The following GABRG3 variants were observed in gnomAD, a reference collection of about 807,000 sequenced individuals.
GABRG3 encodes gamma-aminobutyric acid type A receptor subunit gamma3.
A neutral mutation model predicts 48.8 loss-of-function variants in GABRG3; 25 were observed. The observed-to-expected ratio is 0.51, with a 90% CI of 0.37 to 0.72. The LOEUF (loss-of-function observed/expected upper bound fraction) is 0.72. Among genes scored for constraint, GABRG3 ranks in the 30% least tolerant of loss-of-function variants. The pLI is 0.00. For missense variants in GABRG3, 394 were observed against 577.9 expected (o/e 0.68, Z 3.26); for synonymous variants, 227 against 217.6 (o/e 1.04, Z -0.38).
chr15:27,379,782 G>A (rs1279275711), intron 5 of GABRG3, among the ~76,000 whole-genome samples: 1 of 152,146 alleles, frequency 6.6e-6, no homozygotes, highest in Non-Finnish European at 1.5e-5. Flanking sequence ...AAGTCCAGTG[G>A]AACTCTTATC....
chr15:27,477,768 C>T (rs1889984266), intron 5 of GABRG3, among the ~76,000 whole-genome samples: 1 of 152,142 alleles, frequency 6.6e-6, no homozygotes, highest in Admixed American at 6.5e-5. Flanking sequence ...AGGCCGGGCA[C>T]AGTGGCTCAC....
chr15:27,228,670 A>G (rs1889701768), intron 3 of GABRG3, among the ~76,000 whole-genome samples: 2 of 152,282 alleles, frequency 1.3e-5, no homozygotes, highest in South Asian at 4.1e-4. Context: ...GAACTAATTT[A>G]TGCTCCCACC....
intron 5 of GABRG3, among the ~76,000 whole-genome samples, chr15:27,421,934 C>A (rs2140612071): frequency 6.6e-6 from 1 of 150,656 alleles, no homozygotes; most frequent in African/African-American, 2.4e-5. Context: ...TGCATATCCA[C>A]CAATACTGAG....
chr15:27,404,944 G>A (rs896956019), intron 5 of GABRG3, among the ~76,000 whole-genome samples: 5 of 152,142 alleles, frequency 3.3e-5, no homozygotes, highest in Non-Finnish European at 4.4e-5. Context: ...GTATGTCCTC[G>A]CAAGTCAGGG....
chr15:27,304,740 G>C (rs1892335299), intron 3 of GABRG3, among the ~76,000 whole-genome samples: 1 of 151,868 alleles, frequency 6.6e-6, no homozygotes, highest in Non-Finnish European at 1.5e-5. Context: ...CCCATCTCAT[G>C]GTCTTCAACT....
chr15:27,525,756 A>T (rs1265492775), intron 7 of GABRG3, among the ~76,000 whole-genome samples: 1 of 151,292 alleles, frequency 6.6e-6, no homozygotes, highest in Non-Finnish European at 1.5e-5. Flanking sequence ...TTCCAGCTTC[A>T]TCCATGTCCC....
chr15:27,405,301 A>G, intron 5 of GABRG3, among the ~76,000 whole-genome samples: 1 of 152,250 alleles, frequency 6.6e-6, no homozygotes, highest in East Asian at 1.9e-4. Context: ...CACTAAATCC[A>G]TGATCAGTAG....
chr15:27,406,847 C>T (rs1483410568), intron 5 of GABRG3, among the ~76,000 whole-genome samples: 2 of 152,154 alleles, frequency 1.3e-5, no homozygotes, highest in Non-Finnish European at 2.9e-5. Context: ...AAGGGTCAAA[C>T]GTAGATGGGA....
intron 3 of GABRG3, among the ~76,000 whole-genome samples, chr15:27,086,396 G>C (rs1361835327): frequency 6.6e-6 from 1 of 152,146 alleles, no homozygotes; most frequent in Non-Finnish European, 1.5e-5. Context: ...ACTCGGGCAC[G>C]TCTCTGAGCT....
chr15:27,495,635 A>T (rs912705736), intron 6 of GABRG3, among the ~76,000 whole-genome samples: 7 of 152,210 alleles, frequency 4.6e-5, no homozygotes, highest in African/African-American at 7.2e-5. Flanking sequence ...CAATTCATCC[A>T]TTGAATTTTT....
chr15:27,018,801 T>C (rs1334081032), intron 2 of GABRG3, among the ~76,000 whole-genome samples: 2 of 152,152 alleles, frequency 1.3e-5, no homozygotes, highest in African/African-American at 4.8e-5. Flanking sequence ...AACTGCAATA[T>C]TGACCAAGTT....
chr15:27,517,068 G>A (rs1891036075), intron 6 of GABRG3, among the ~76,000 whole-genome samples: 1 of 151,944 alleles, frequency 6.6e-6, no homozygotes, highest in African/African-American at 2.4e-5. Context: ...CTCCATCACT[G>A]ACAACATCGT....
At chr15:27,066,746 T>C (rs571578691) in intron 3 of GABRG3, among the ~76,000 whole-genome samples, 1 of 152,302 alleles carries the variant, frequency 6.6e-6, no homozygotes, top group East Asian at 1.9e-4. Flanking sequence ...TGTTCTATCT[T>C]GAAAAGTGAT....
At chr15:27,381,452 GTT>G (rs374872323) in intron 5 of GABRG3, among the ~76,000 whole-genome samples, 206 of 152,316 alleles carry the variant, frequency 1.4e-3, no homozygotes, top group African/African-American at 4.6e-3. Flanking sequence ...ACTCCTTGGA[GTT>G]TTTAACTCTG....
intron 3 of GABRG3, among the ~76,000 whole-genome samples, chr15:27,113,646 C>T (rs1192131619): frequency 6.6e-6 from 1 of 152,154 alleles, no homozygotes; most frequent in Non-Finnish European, 1.5e-5. Context: ...ATACCTTCCA[C>T]CCAAGGACCC....
At chr15:27,028,451 G>A (rs996204502) in intron 3 of GABRG3, among the ~76,000 whole-genome samples, 23 of 152,188 alleles carry the variant, frequency 1.5e-4, no homozygotes, top group Admixed American at 8.5e-4. Context: ...AGATCCCTGC[G>A]TTTGGAAACT....
intron 6 of GABRG3, among the ~76,000 whole-genome samples, chr15:27,496,266 T>A (rs551414602): frequency 6.7e-6 from 1 of 150,000 alleles, no homozygotes; most frequent in East Asian, 2.3e-4. Flanking sequence ...AACAGAACAG[T>A]GGGCAAGCCT....
At chr15:26,980,596 G>A (rs1036299983) in intron 2 of GABRG3, among the ~76,000 whole-genome samples, 1 of 150,956 alleles carries the variant, frequency 6.6e-6, no homozygotes, top group African/African-American at 2.4e-5. Context: ...GGAGAATGGC[G>A]TGAACCTGGG....
intron 6 of GABRG3, among the ~76,000 whole-genome samples, chr15:27,507,251 T>A (rs1288313140): frequency 6.6e-6 from 1 of 152,168 alleles, no homozygotes; most frequent in Non-Finnish European, 1.5e-5. Flanking sequence ...ACACCTGTAA[T>A]CCCAGTATTT....
Sources: allele counts gnomAD v4.1 joint callset (sites outside exome capture counted in the v4.1 genomes callset), GRCh38; gene constraint gnomAD v4.1.1; transcripts MANE v1.5; gene names NCBI Gene and HGNC (gene_info 2026-07-23, HGNC 2026-07-21).